NECTIN1: variants seen among roughly 807,000 people sequenced by gnomAD.
NECTIN1 encodes nectin cell adhesion molecule 1.
NECTIN1 carries 23 observed loss-of-function variants against 48.0 expected under a neutral mutation model. The observed-to-expected ratio is 0.48, with a 90% confidence interval of 0.34 to 0.68. The LOEUF (loss-of-function observed/expected upper bound fraction) is 0.68, where lower values mean the gene tolerates loss of function less well. Among genes scored for constraint, NECTIN1 ranks in the 30% least tolerant of loss-of-function variants. The pLI is 0.01. For missense variants in NECTIN1, 591 were observed against 709.9 expected (o/e 0.83, Z 1.90); for synonymous variants, 270 against 288.9 (o/e 0.93, Z 0.66).
chr11:119,708,182 A>G (rs561486885), intron 1 of NECTIN1, among the ~76,000 whole-genome samples: 35 of 152,308 alleles, frequency 2.3e-4, no homozygotes, highest in African/African-American at 7.9e-4. Flanking sequence ...CAGGATAAGC[A>G]GGAGTCCTTG....
At chr11:119,690,811 T>G (rs1865239910) in intron 1 of NECTIN1, among the ~76,000 whole-genome samples, 2 of 152,030 alleles carry the variant, frequency 1.3e-5, no homozygotes, top group Non-Finnish European at 2.9e-5. Context: ...GTGGGGGAAC[T>G]CGGGGACAGG....
chr11:119,657,764 A>AATG (rs1864598405), downstream of NECTIN1, among the ~76,000 whole-genome samples: 2 of 145,806 alleles, frequency 1.4e-5, no homozygotes, highest in Non-Finnish European at 3.0e-5. Context: ...TAATAATAAT[A>AATG]ATAATAATAA....
chr11:119,674,552 C>T lies in NECTIN1; in HGVS notation c.1003+607G>A, dbSNP rs189506358. 4.8e-5 allele frequency: 78 copies of T among 1,614,170 alleles called. No homozygotes were observed. In the East Asian group the frequency reaches 1.6e-3, roughly 34 times the overall value. On this transcript the variant is annotated intron_variant, in intron 5 of 5. Transcript: ENST00000264025. ...GTCCAGGGTCACAGCTGTCTGACATCAAGCCCATGCTCCTTTCACGTCCCA... is the reference window on the plus strand; with the variant it reads ...GTCCAGGGTCACAGCTGTCTGACATTAAGCCCATGCTCCTTTCACGTCCCA...
intron 5 of NECTIN1, among the ~76,000 whole-genome samples, chr11:119,655,347 TA>T (rs1244673577): frequency 6.6e-6 from 1 of 152,078 alleles, no homozygotes; most frequent in East Asian, 1.9e-4. Context: ...AATCCCGTAC[TA>T]AAAATAAAAA....
rs984425143 is a variant in NECTIN1, at chr11:119,655,151, T to C, written c.1004-15139A>G. Among the ~76,000 whole-genome samples the C allele has an allele frequency of 3.3e-5, 5 of 151,976 alleles. No homozygotes were observed. The South Asian group carries it at 6.2e-4, about 19-fold the overall frequency. On this transcript the variant is annotated intron_variant, in intron 5 of 7. Coordinates refer to the NECTIN1 transcript ENST00000341398. ...GTCTTGAACTCCTGACCTCAGGTGATCCACCCACCTCGGCCTCCCAAAGTG... is the reference window on the plus strand; with the variant it reads ...GTCTTGAACTCCTGACCTCAGGTGACCCACCCACCTCGGCCTCCCAAAGTG...
At chr11:119,722,588 C>T (rs778988992) in intron 1 of NECTIN1, among the ~76,000 whole-genome samples, 17 of 152,230 alleles carry the variant, frequency 1.1e-4, no homozygotes, top group African/African-American at 3.4e-4. Flanking sequence ...CAGTGACAGG[C>T]GGCAGAACAA....
chr11:119,720,443 C>T (rs959528101), intron 1 of NECTIN1, among the ~76,000 whole-genome samples: 1 of 152,282 alleles, frequency 6.6e-6, no homozygotes, highest in African/African-American at 2.4e-5. Context: ...TCTGCCCCAG[C>T]AGATTGGCGC....
At chr11:119,682,997 C>T (rs889074055) in intron 1 of NECTIN1, among the ~76,000 whole-genome samples, 13 of 152,172 alleles carry the variant, frequency 8.5e-5, no homozygotes, top group African/African-American at 3.1e-4. Flanking sequence ...GCATATGTGT[C>T]TAGCCTGTCT....
intron 1 of NECTIN1, chr11:119,713,738 G>C: frequency 2.3e-6 from 1 of 429,698 alleles, no homozygotes; most frequent in Non-Finnish European, 4.7e-6. Context: ...CATGTCCTCT[G>C]GCCCACCCAG....
Position 119,678,699 on chromosome 11 carries a change from A to C in NECTIN1, c.146T>G (p.Leu49Arg). The C allele has an allele frequency of 6.2e-7, 1 of 1,614,030 alleles. No individual in the cohort carries two copies. Among genetic ancestry groups the C allele is most frequent in the Non-Finnish European group, 8.5e-7 (1 of 1,180,002 alleles). The change falls in exon 2 of 6, where the codon CTG (leucine) becomes CGG (arginine). Residue 49 changes from leucine to arginine, a missense_variant. By Grantham distance (102) the Leu-to-Arg change is moderately radical. Coordinates refer to ENST00000264025, the MANE Select transcript of NECTIN1 (RefSeq NM_002855.5). This position sits in a 1 kb window ranked among gnomAD's most constrained non-coding sequence, Gnocchi z 4.4. ...AAGCGGGTTGGCAAAGCTGCAGTGC[A>C]GAACCACGTCTGTGCCGATGAAGCC... is the stretch of plus-strand genomic sequence containing the variant. Reference protein sequence around the residue: ...MYGFIGTDVVLHCSFANPLPS... With the variant: ...MYGFIGTDVVRHCSFANPLPS...
In NECTIN1 at chr11:119,661,083, G is replaced by A; in HGVS notation, c.*3664C>T. On this transcript the variant is annotated 3_prime_UTR_variant, in exon 6 of 6. Transcript: ENST00000264025. The stretch of plus-strand genomic sequence containing the variant: ...TTTTTTTTTAATACAAGTAAAAGGG[G>A]GTGATGCAAACACCCCCCAGGTCAG... The A allele has an allele frequency of 1.0e-6, 1 of 982,394 alleles. No individual in the cohort carries two copies. The highest frequency in any genetic ancestry group is 4.7e-5 in the South Asian group (1 of 21,208). 60.9% of individuals were successfully genotyped at this position (982,394 alleles called of 1,614,324 possible).
intron 5 of NECTIN1, among the ~76,000 whole-genome samples, chr11:119,651,274 TG>T (rs969503087): frequency 6.6e-6 from 1 of 152,174 alleles, no homozygotes. Context: ...ACCAGCCAGC[TG>T]GGGGCTCCAA....
intron 1 of NECTIN1, among the ~76,000 whole-genome samples, chr11:119,707,231 C>T (rs1339337634): frequency 1.3e-5 from 2 of 152,174 alleles, no homozygotes; most frequent in African/African-American, 2.4e-5. Context: ...GCTCACTCCA[C>T]CAGCCCAACC....
Position 119,683,366 on chromosome 11 carries a change from G to T in NECTIN1, c.80-4601C>A, listed in dbSNP as rs145421750. Among the ~76,000 whole-genome samples, 6 of 152,208 alleles carry T rather than the reference G, an allele frequency of 3.9e-5. No individual in the cohort carries two copies. The highest frequency in any genetic ancestry group is 1.4e-4 in the African/African-American group (6 of 41,522). On this transcript the variant is annotated intron_variant, in intron 1 of 5. Transcript: ENST00000264025. This position sits in a 1 kb window ranked among gnomAD's most constrained non-coding sequence, Gnocchi z 4.0. Reference sequence around the variant, plus strand: ...ACCCAGCCCAGTGCTTTCCCACCCTGCCACAAAAACAGACTCTGGCTCAAC... The same window carrying T: ...ACCCAGCCCAGTGCTTTCCCACCCTTCCACAAAAACAGACTCTGGCTCAAC...
chr11:119,676,793 G>A, intron 4 of NECTIN1: 1 of 427,902 alleles, frequency 2.3e-6, no homozygotes, highest in African/African-American at 2.0e-5. Flanking sequence ...GGGTGGGAGT[G>A]ACTCAGACTG....
At chr11:119,655,249 TC>T (rs1864553779) in intron 5 of NECTIN1, among the ~76,000 whole-genome samples, 2 of 151,710 alleles carry the variant, frequency 1.3e-5, no homozygotes, top group Admixed American at 1.3e-4. Context: ...AATTTTAGGC[TC>T]ACAATCAGAT....
At chr11:119,715,084 T>C (rs1865723724) in intron 1 of NECTIN1, among the ~76,000 whole-genome samples, 1 of 152,182 alleles carries the variant, frequency 6.6e-6, no homozygotes, top group Non-Finnish European at 1.5e-5. Flanking sequence ...CTGTCCTGGC[T>C]TCCATGGAGG....
Position 119,678,466 on chromosome 11 carries a change from C to T in NECTIN1, c.379G>A (p.Ala127Thr), listed in dbSNP as rs1182156868. Residue 127 changes from alanine (A) to threonine (T), a missense_variant, in exon 2 of 6, where the codon GCT becomes ACT. Transcript: ENST00000264025. The surrounding 1 kb of genome is among the most constrained non-coding windows in gnomAD (Gnocchi z 4.4). Reference protein sequence around the residue: ...EDEGVYICEFATFPTGNRESQ... With the variant: ...EDEGVYICEFTTFPTGNRESQ... ...TCTCGATTGCCCGTAGGGAAGGTAG[C>T]AAACTCGCAGATGTAGACACCCTCA... 1 of 1,614,238 alleles carries T rather than the reference C, an allele frequency of 6.2e-7. No homozygotes were observed. The highest frequency in any genetic ancestry group is 8.5e-7 in the Non-Finnish European group (1 of 1,180,046).
chr11:119,706,564 C>T (rs778240295), intron 1 of NECTIN1, among the ~76,000 whole-genome samples: 10 of 152,176 alleles, frequency 6.6e-5, no homozygotes, highest in South Asian at 2.1e-4. Flanking sequence ...ATTTGTGTTT[C>T]CCCCTAGAAA....
Sources: gnomAD v4.1 joint callset for allele counts (sites outside exome capture counted in the v4.1 genomes callset) on GRCh38, gnomAD v4.1.1 for gene constraint, Gnocchi (gnomAD v3.1) non-coding constraint, MANE v1.5 for transcripts, NCBI Gene and HGNC (gene_info 2026-07-23, HGNC 2026-07-21) for gene names.